Variants in HELZ observed in about 807,000 individuals in gnomAD.
HELZ encodes the protein ATP-dependent RNA helicase with zinc finger domain.
Under a neutral mutation model 218.2 loss-of-function variants are expected in HELZ, and 23 were observed. That is an observed-to-expected ratio of 0.11 (90% confidence interval 0.08 to 0.15). The LOEUF (loss-of-function observed/expected upper bound fraction) is 0.15, where lower values mean the gene tolerates loss of function less well. Ranked by LOEUF, HELZ falls within the 10% of genes least tolerant of loss-of-function variation. The probability of loss-of-function intolerance (pLI) is 1.00; values close to 1 mark genes in which losing one functional copy is unlikely to be tolerated. For missense variants in HELZ, 1,813 were observed against 2,353.7 expected (o/e 0.77, Z 4.75); for synonymous variants, 814 against 829.4 (o/e 0.98, Z 0.32).
rs368448159 is a variant in HELZ at position 67,130,300 on chromosome 17, CA to C, written c.3183-1446del. On this transcript the variant is annotated intron_variant, in intron 23 of 32. Coordinates refer to ENST00000358691, the MANE Select transcript of HELZ (RefSeq NM_014877.4). ...TTACTATACAACTTATCCATGTAAA[CA>C]AAAACCACTTGTACCCATAAAGCTG... 1.6e-3 allele frequency among the ~76,000 whole-genome samples: 244 copies of C among 151,002 alleles called. 1 individual carries two copies. The highest frequency in any genetic ancestry group is 5.6e-3 in the African/African-American group (232 of 41,122).
chr17:67,080,122 AATCT>A (rs1029429668), intron 32 of HELZ, among the ~76,000 whole-genome samples: 6 of 152,196 alleles, frequency 3.9e-5, no homozygotes, highest in African/African-American at 1.4e-4. Flanking sequence ...AAAATTTTAT[AATCT>A]ATCTGCAATT....
In HELZ at chr17:67,148,634, G is replaced by A. The variant is rs1276232265; in HGVS notation, c.2556C>T (p.Tyr852=). 6.2e-7 allele frequency: 1 copy of A among 1,613,692 alleles called. No individual in the cohort carries two copies. The highest frequency in any genetic ancestry group is 1.1e-5 in the South Asian group (1 of 91,044). The change falls in exon 20 of 33, where the codon TAC becomes TAT. Residue 852 remains tyrosine (Y), a synonymous_variant. Coordinates refer to ENST00000358691, the MANE Select transcript of HELZ (RefSeq NM_014877.4). ...GAATCCTACATGGGAACTCAGCAGG[G>A]TAATGCTCATAGAGTCGGTCAAGTA... ...VSLLDRLYEH[Y]PAEFPCRILL...
At chr17:67,217,246 C>G (rs1276927776) in intron 4 of HELZ, among the ~76,000 whole-genome samples, 1 of 152,166 alleles carries the variant, frequency 6.6e-6, no homozygotes, top group African/African-American at 2.4e-5. Context: ...ATTGCTCAGA[C>G]AAAAAGTATC....
In HELZ at chr17:67,107,749, G is replaced by C. The variant is rs2037152829; in HGVS notation, c.4725-64C>G. 1.1e-5 allele frequency: 15 copies of C among 1,413,828 alleles called. No individual in the cohort carries two copies. The South Asian group carries it at 1.8e-4, about 17-fold the overall frequency. The allele number at this position is 1,413,828 out of a possible 1,614,324, so 87.6% of individuals were successfully genotyped here. ...GCTCCATCACATTAAGGAAAGCTTA[G>C]TCAACTACACATGTATTTTCAACAA... On this transcript the variant is annotated intron_variant, in intron 30 of 32. Transcript: ENST00000358691.
intron 24 of HELZ, among the ~76,000 whole-genome samples, chr17:67,125,603 G>A (rs537212277): frequency 6.6e-6 from 1 of 151,960 alleles, no homozygotes; most frequent in South Asian, 2.1e-4. Context: ...TCAACAACCA[G>A]GGACAACTGC....
Position 67,145,780 on chromosome 17 carries a change from T to C in HELZ, c.2732A>G (p.Gln911Arg), listed in dbSNP as rs1160091716. The C allele has an allele frequency of 2.5e-6, 4 of 1,612,860 alleles. No homozygotes were observed. Among genetic ancestry groups the C allele is most frequent in the Non-Finnish European group, 3.4e-6 (4 of 1,179,088 alleles). Residue 911 changes from glutamine to arginine, a missense_variant, in exon 21 of 33, where the codon CAA becomes CGA. Transcript: ENST00000358691. The part of the protein sequence containing the change: ...TFFTARGEDV[Q>R]EKNSTAFYNN... ...ATAAAAAGCTGTGCTATTTTTTTCT[T>C]GTACATCTTCTCCTCGTGCTGTAAA...
chr17:67,079,503 G>A (rs1160056222), intron 32 of HELZ, among the ~76,000 whole-genome samples: 3 of 151,830 alleles, frequency 2.0e-5, no homozygotes, highest in Non-Finnish European at 4.4e-5. Context: ...AAATATTCAC[G>A]GCTCCTTCCT....
intron 5 of HELZ, among the ~76,000 whole-genome samples, chr17:67,204,842 A>G (rs2040256062): frequency 6.6e-6 from 1 of 152,194 alleles, no homozygotes; most frequent in South Asian, 2.1e-4. Flanking sequence ...CCAATAAGGT[A>G]TCATTAAGAA....
intron 13 of HELZ, among the ~76,000 whole-genome samples, chr17:67,175,890 C>T (rs1190762611): frequency 6.6e-6 from 1 of 151,950 alleles, no homozygotes; most frequent in Admixed American, 6.6e-5. Context: ...TGTAAATATC[C>T]CTATTTGAGT....
chr17:67,221,745 A>T (rs28674882), intron 3 of HELZ, among the ~76,000 whole-genome samples: 1 of 152,244 alleles, frequency 6.6e-6, no homozygotes, highest in Admixed American at 6.5e-5. Flanking sequence ...TGCCTGGGAC[A>T]TAAGTGCTCA....
At chr17:67,135,263 T>C (rs1278497112) in intron 23 of HELZ, among the ~76,000 whole-genome samples, 2 of 152,176 alleles carry the variant, frequency 1.3e-5, no homozygotes, top group Admixed American at 6.5e-5. Flanking sequence ...ATTATCTACA[T>C]TGAGAAGCCT....
intron 31 of HELZ, among the ~76,000 whole-genome samples, chr17:67,102,264 A>T (rs756086675): frequency 6.6e-6 from 1 of 152,240 alleles, no homozygotes. Context: ...TTCCCAACAA[A>T]TAATCTCCCT....
chr17:67,089,183 C>T (rs1190905202), intron 31 of HELZ, among the ~76,000 whole-genome samples: 1 of 152,148 alleles, frequency 6.6e-6, no homozygotes, highest in African/African-American at 2.4e-5. Flanking sequence ...ACCATGTCTC[C>T]TGGTGATACA....
rs753629815 is a variant in HELZ, at chr17:67,108,578, C to G, written c.4638G>C (p.Pro1546=). Reference sequence around the variant, plus strand: ...CTGGCGGCTGATGTAATCCCAGGGGCGGCTGAGGAAGATGCTGGAGGTGAG... The same window carrying G: ...CTGGCGGCTGATGTAATCCCAGGGGGGGCTGAGGAAGATGCTGGAGGTGAG... The part of the protein sequence containing the change: ...HHPHLQHLPQ[P]PLGLHQPPVR... Residue 1546 remains proline, a synonymous_variant, in exon 30 of 33, where the codon CCG becomes CCC. Coordinates refer to ENST00000358691, the MANE Select transcript of HELZ (RefSeq NM_014877.4). The surrounding 1 kb of genome is among the most constrained non-coding windows in gnomAD (Gnocchi z 4.1). 1 of 1,614,020 alleles carries G rather than the reference C, an allele frequency of 6.2e-7. No homozygotes were observed. Among genetic ancestry groups the G allele is most frequent in the African/African-American group, 1.3e-5 (1 of 74,988 alleles).
intron 31 of HELZ, among the ~76,000 whole-genome samples, chr17:67,098,161 A>T (rs1183611979): frequency 6.6e-6 from 1 of 152,188 alleles, no homozygotes; most frequent in Non-Finnish European, 1.5e-5. Flanking sequence ...AATTGCAATC[A>T]TTTCTCATTT....
rs772686066 is a variant in HELZ, at chr17:67,114,367, T to A, written c.3875A>T (p.Asn1292Ile). ...SDTNNSGPEINKIRTPEKKPT... is the reference protein window; with the variant it reads ...SDTNNSGPEIIKIRTPEKKPT... The stretch of plus-strand genomic sequence containing the variant: ...CTTTTTCTCTGGTGTTCGAATCTTA[T>A]TAATTTCAGGTCCGGAATTATTTGT... Residue 1292 changes from asparagine to isoleucine, a missense_variant, in exon 28 of 33, where the codon AAT becomes ATT. Physicochemically the swap from Asn to Ile is moderately radical, Grantham distance 149. Around this residue, in one of 4 missense-constraint regions of HELZ, gnomAD observed 938 missense variants for 1,027.5 expected, o/e 0.91. Transcript: ENST00000358691. 6 of 1,611,490 alleles carry A rather than the reference T, an allele frequency of 3.7e-6. No individual in the cohort carries two copies. Among genetic ancestry groups the A allele is most frequent in the Non-Finnish European group, 4.2e-6 (5 of 1,177,722 alleles).
At chr17:67,168,368 A>C (rs2039212043) in intron 13 of HELZ, among the ~76,000 whole-genome samples, 1 of 152,216 alleles carries the variant, frequency 6.6e-6, no homozygotes, top group Non-Finnish European at 1.5e-5. Context: ...ACATTCAAAA[A>C]ACACCTGAGT....
At chr17:67,235,283 G>A (rs1248199808) in intron 3 of HELZ, among the ~76,000 whole-genome samples, 2 of 152,072 alleles carry the variant, frequency 1.3e-5, no homozygotes, top group East Asian at 3.9e-4. Flanking sequence ...AAGGCGGGTG[G>A]ATCACGAGGT....
intron 3 of HELZ, among the ~76,000 whole-genome samples, chr17:67,223,402 G>A (rs2040803335): frequency 6.6e-6 from 1 of 152,070 alleles, no homozygotes; most frequent in Admixed American, 6.6e-5. Context: ...CATCACATTC[G>A]CCCATTGCTG....
Sources: allele counts gnomAD v4.1 joint callset (sites outside exome capture counted in the v4.1 genomes callset), GRCh38; gene constraint gnomAD v4.1.1; regional missense constraint gnomAD v4.1.1; non-coding constraint Gnocchi (gnomAD v3.1); transcripts MANE v1.5; gene names NCBI Gene and HGNC (gene_info 2026-07-23, HGNC 2026-07-21).